The following CTNNA3 variants were observed in gnomAD, a reference collection of about 807,000 sequenced individuals.
CTNNA3 encodes the protein catenin alpha-3.
In CTNNA3, 76 loss-of-function variants were observed where a neutral mutation model predicts 95.7. The ratio of observed to expected loss-of-function variants is 0.79; its 90% CI spans 0.66 to 0.96. The LOEUF (loss-of-function observed/expected upper bound fraction) is 0.96, where lower values mean the gene tolerates loss of function less well. CTNNA3 is among the 40% of genes least tolerant of loss of function. CTNNA3 has a pLI of 0.00. For missense variants in CTNNA3, 1,191 were observed against 1,089.8 expected (o/e 1.09, Z -1.31); for synonymous variants, 431 against 374.4 (o/e 1.15, Z -1.74).
chr10:67,088,969 C>A (rs1276550286), intron 7 of CTNNA3, among the ~76,000 whole-genome samples: 1 of 151,882 alleles, frequency 6.6e-6, no homozygotes, highest in African/African-American at 2.4e-5. Context: ...TAGAACAATA[C>A]AGTATAATGA....
chr10:66,412,065 G>C (rs1330307935), intron 11 of CTNNA3, among the ~76,000 whole-genome samples: 1 of 152,072 alleles, frequency 6.6e-6, no homozygotes, highest in Non-Finnish European at 1.5e-5. Context: ...GTGGATCCAA[G>C]TACAAGAGTA....
chr10:66,066,996 G>GAA (rs35520381), intron 15 of CTNNA3, among the ~76,000 whole-genome samples: 39 of 149,212 alleles, frequency 2.6e-4, no homozygotes, highest in South Asian at 6.4e-4. Flanking sequence ...TTGGGGCTCA[G>GAA]AAAAAAAAAA....
chr10:66,085,510 T>C (rs1375972587), intron 14 of CTNNA3, among the ~76,000 whole-genome samples: 2 of 152,138 alleles, frequency 1.3e-5, no homozygotes, highest in Admixed American at 6.6e-5. Flanking sequence ...TATAGAATAG[T>C]ATTATTTTTT....
chr10:66,902,749 C>T (rs1845807840), intron 7 of CTNNA3, among the ~76,000 whole-genome samples: 1 of 152,122 alleles, frequency 6.6e-6, no homozygotes, highest in South Asian at 2.1e-4. Context: ...TACTATAACA[C>T]CTCTATGCAA....
At chr10:66,860,228 T>C (rs896703371) in intron 7 of CTNNA3, among the ~76,000 whole-genome samples, 1 of 152,260 alleles carries the variant, frequency 6.6e-6, no homozygotes. Flanking sequence ...AAGAATTGAC[T>C]TCTTACAATT....
At chr10:66,110,702 T>C (rs1301713193) in intron 13 of CTNNA3, among the ~76,000 whole-genome samples, 1 of 152,230 alleles carries the variant, frequency 6.6e-6, no homozygotes, top group Non-Finnish European at 1.5e-5. Flanking sequence ...CTTGATTATA[T>C]AATCAACTCA....
intron 13 of CTNNA3, among the ~76,000 whole-genome samples, chr10:66,160,175 AT>A (rs1427992932): frequency 6.6e-6 from 1 of 151,584 alleles, no homozygotes; most frequent in East Asian, 1.9e-4. Flanking sequence ...TTTCAATTTC[AT>A]TTAGTTCTGC....
intron 13 of CTNNA3, among the ~76,000 whole-genome samples, chr10:66,246,018 G>A (rs917931198): frequency 6.6e-6 from 1 of 152,212 alleles, no homozygotes; most frequent in Non-Finnish European, 1.5e-5. Flanking sequence ...TCTAGTCTGT[G>A]GGACTGGCAG....
intron 13 of CTNNA3, among the ~76,000 whole-genome samples, chr10:66,267,814 G>T (rs1213572886): frequency 1.3e-5 from 2 of 152,022 alleles, no homozygotes; most frequent in Admixed American, 1.3e-4. Context: ...ATTTAGAAGA[G>T]GGTATCAAAA....
intron 13 of CTNNA3, among the ~76,000 whole-genome samples, chr10:66,168,084 C>A (rs916385656): frequency 6.6e-6 from 1 of 152,140 alleles, no homozygotes; most frequent in Non-Finnish European, 1.5e-5. Context: ...TTGCTTAAGG[C>A]TGGACATGAT....
chr10:66,706,147 G>A (rs1158133119), intron 9 of CTNNA3, among the ~76,000 whole-genome samples: 1 of 151,864 alleles, frequency 6.6e-6, no homozygotes, highest in Non-Finnish European at 1.5e-5. Flanking sequence ...ACATCCCCAG[G>A]TTTACTACTG....
intron 10 of CTNNA3, among the ~76,000 whole-genome samples, chr10:66,570,427 T>G (rs1156351433): frequency 6.6e-6 from 1 of 152,062 alleles, no homozygotes; most frequent in Non-Finnish European, 1.5e-5. Flanking sequence ...TAGATGGGAT[T>G]ACAGGCACAT....
At chr10:66,387,880 G>C (rs2092905831) in intron 11 of CTNNA3, among the ~76,000 whole-genome samples, 1 of 152,082 alleles carries the variant, frequency 6.6e-6, no homozygotes, top group Admixed American at 6.6e-5. Context: ...TCACTCATTG[G>C]TGGGAACTGA....
intron 9 of CTNNA3, among the ~76,000 whole-genome samples, chr10:66,730,581 C>A (rs999064470): frequency 6.6e-6 from 1 of 152,130 alleles, no homozygotes; most frequent in Non-Finnish European, 1.5e-5. Flanking sequence ...CAAACCTATA[C>A]ATTTTGCACA....
At chr10:66,526,845 C>T (rs180759915) in intron 10 of CTNNA3, among the ~76,000 whole-genome samples, 7 of 152,188 alleles carry the variant, frequency 4.6e-5, no homozygotes, top group African/African-American at 1.7e-4. Context: ...TTATTAATCT[C>T]TGATCATATA....
At chr10:66,790,590 C>T (rs1396992102) in intron 7 of CTNNA3, among the ~76,000 whole-genome samples, 1 of 152,068 alleles carries the variant, frequency 6.6e-6, no homozygotes, top group African/African-American at 2.4e-5. Context: ...TTATAATGTG[C>T]CAAGGCCTGG....
At chr10:67,122,226 C>T (rs1053448138) in intron 7 of CTNNA3, among the ~76,000 whole-genome samples, 1 of 151,872 alleles carries the variant, frequency 6.6e-6, no homozygotes, top group African/African-American at 2.4e-5. Context: ...ATGAATAGTA[C>T]ATTTTAAGAA....
At chr10:66,718,022 T>G (rs531247829) in intron 9 of CTNNA3, among the ~76,000 whole-genome samples, 4 of 152,314 alleles carry the variant, frequency 2.6e-5, no homozygotes, top group African/African-American at 9.6e-5. Flanking sequence ...AAAGGTCTTT[T>G]AAAGTTATGA....
intron 11 of CTNNA3, among the ~76,000 whole-genome samples, chr10:66,507,760 A>G (rs1465060459): frequency 6.6e-6 from 1 of 152,134 alleles, no homozygotes; most frequent in Admixed American, 6.5e-5. Flanking sequence ...GTTAATGGAC[A>G]TTTAGGTTCA....
Sources: allele counts gnomAD v4.1 joint callset (sites outside exome capture counted in the v4.1 genomes callset), GRCh38; gene constraint gnomAD v4.1.1; transcripts MANE v1.5; gene names NCBI Gene and HGNC (gene_info 2026-07-23, HGNC 2026-07-21).